Variants in ERBB4 observed in about 807,000 individuals in gnomAD.
ERBB4 encodes erb-b2 receptor tyrosine kinase 4.
ERBB4 carries 42 observed loss-of-function variants against 158.0 expected under a neutral mutation model. The ratio of observed to expected loss-of-function variants is 0.27; its 90% CI spans 0.21 to 0.34. The LOEUF (loss-of-function observed/expected upper bound fraction) is 0.34, where lower values mean the gene tolerates loss of function less well. ERBB4 is among the 10% of genes least tolerant of loss of function. The probability of loss-of-function intolerance (pLI) is 1.00; values close to 1 mark genes in which losing one functional copy is unlikely to be tolerated. For synonymous variants in ERBB4, 583 were observed against 558.7 expected (o/e 1.04, Z -0.61); for missense variants, 1,333 against 1,624.1 (o/e 0.82, Z 3.08).
intron 20 of ERBB4, among the ~76,000 whole-genome samples, chr2:211,545,135 G>T (rs1205762321): frequency 6.6e-6 from 1 of 152,066 alleles, no homozygotes; most frequent in Non-Finnish European, 1.5e-5. Flanking sequence ...GTTGTGACTT[G>T]ATATGCCAAA....
intron 1 of ERBB4, among the ~76,000 whole-genome samples, chr2:212,185,644 A>G (rs2081995165): frequency 6.6e-6 from 1 of 152,064 alleles, no homozygotes; most frequent in East Asian, 1.9e-4. Flanking sequence ...TCCTGGGAAT[A>G]TAGGACCATT....
intron 1 of ERBB4, among the ~76,000 whole-genome samples, chr2:212,296,233 G>A (rs1185768693): frequency 6.6e-6 from 1 of 151,942 alleles, no homozygotes; most frequent in Non-Finnish European, 1.5e-5. Context: ...AAGCATGAGA[G>A]AGGGCCAGAC....
intron 2 of ERBB4, among the ~76,000 whole-genome samples, chr2:212,028,394 G>A (rs2076823250): frequency 6.6e-6 from 1 of 152,096 alleles, no homozygotes; most frequent in Non-Finnish European, 1.5e-5. Flanking sequence ...GCAATGGCTA[G>A]TAACACAAAG....
chr2:211,950,572 C>T (rs839525), intron 2 of ERBB4, among the ~76,000 whole-genome samples: 32,208 of 152,046 alleles, frequency 0.21, 3,757 homozygotes, highest in African/African-American at 0.3. Context: ...TCTTTCCCCC[C>T]AGTCACACAA....
intron 3 of ERBB4, among the ~76,000 whole-genome samples, chr2:211,793,900 A>T (rs2076328010): frequency 6.6e-6 from 1 of 151,852 alleles, no homozygotes; most frequent in African/African-American, 2.4e-5. Context: ...TTTTATACAG[A>T]TGATTTAAGG....
chr2:212,355,750 A>G (rs1022910317), intron 1 of ERBB4, among the ~76,000 whole-genome samples: 2 of 151,916 alleles, frequency 1.3e-5, no homozygotes, highest in Non-Finnish European at 2.9e-5. Context: ...ACTGTGATAG[A>G]TATATATGCA....
chr2:212,206,673 G>A (rs1477244456), intron 1 of ERBB4, among the ~76,000 whole-genome samples: 5 of 147,298 alleles, frequency 3.4e-5, no homozygotes, highest in Non-Finnish European at 7.4e-5. Flanking sequence ...TGCAAGCTCC[G>A]CCTCCCGGGT....
In ERBB4 at chr2:211,618,274, G is replaced by A. The variant is rs1441978528; in HGVS notation, c.2301+903C>T. Among the ~76,000 whole-genome samples, 4 of 151,970 alleles carry A rather than the reference G, an allele frequency of 2.6e-5. No individual in the cohort carries two copies. In the East Asian group the frequency reaches 7.7e-4, roughly 29 times the overall value. The stretch of plus-strand genomic sequence containing the variant: ...AACCATAATAAAATAAAACAGTATG[G>A]TTAATTTTTCAAATTATCAATTTTA... On this transcript the variant is annotated intron_variant, in intron 19 of 27. Transcript: ENST00000342788.
At chr2:212,244,867 C>T (rs1264393884) in intron 1 of ERBB4, among the ~76,000 whole-genome samples, 1 of 152,154 alleles carries the variant, frequency 6.6e-6, no homozygotes, top group Non-Finnish European at 1.5e-5. Context: ...TAATTAAGCA[C>T]TTACCACGTG....
chr2:212,427,895 G>A (rs551687531), intron 1 of ERBB4, among the ~76,000 whole-genome samples: 1 of 152,270 alleles, frequency 6.6e-6, no homozygotes, highest in African/African-American at 2.4e-5. Context: ...GCTAGAGGAA[G>A]AAGAGGGATT....
At chr2:211,500,672 C>CT (rs2065593210) in intron 20 of ERBB4, among the ~76,000 whole-genome samples, 1 of 151,976 alleles carries the variant, frequency 6.6e-6, no homozygotes, top group Non-Finnish European at 1.5e-5. Context: ...AAGAAAAGAT[C>CT]TTTTTTCTTT....
rs377281845 is a variant in ERBB4, at chr2:211,925,260, A to G, written c.421+22170T>C. On this transcript the variant is annotated intron_variant, in intron 3 of 27. Transcript: ENST00000342788. ...AGTTGAGACTTTACCAACAGATAAA[A>G]CCTAGAAAGAATAATTTAGCATTTT... Among the ~76,000 whole-genome samples, 7 of 152,294 alleles carry G rather than the reference A, an allele frequency of 4.6e-5. No homozygotes were observed. In the South Asian group the frequency reaches 1.2e-3, roughly 27 times the overall value.
At chr2:212,231,967 T>A (rs919232026) in intron 1 of ERBB4, among the ~76,000 whole-genome samples, 3 of 152,220 alleles carry the variant, frequency 2.0e-5, no homozygotes, top group African/African-American at 7.2e-5. Context: ...TTTATGACCC[T>A]GAATGATCTT....
At chr2:211,726,972 A>G (rs1322918504) in intron 5 of ERBB4, among the ~76,000 whole-genome samples, 2 of 152,136 alleles carry the variant, frequency 1.3e-5, no homozygotes, top group Non-Finnish European at 2.9e-5. Context: ...TTGCTTCTTC[A>G]CAAGGCATTT....
intron 14 of ERBB4, among the ~76,000 whole-genome samples, chr2:211,667,360 A>G (rs16846695): frequency 0.01 from 1,526 of 152,076 alleles, 27 homozygotes; most frequent in African/African-American, 0.035. Flanking sequence ...GTAATCAGGA[A>G]GAGCTTTCAG....
At chr2:211,626,807 C>A (rs1415171112) in intron 17 of ERBB4, among the ~76,000 whole-genome samples, 3 of 151,858 alleles carry the variant, frequency 2.0e-5, no homozygotes, top group African/African-American at 7.3e-5. Flanking sequence ...CGCCTGTAGT[C>A]CCAACTACTC....
At chr2:211,556,707 G>T (rs1050578147) in intron 20 of ERBB4, among the ~76,000 whole-genome samples, 1 of 151,948 alleles carries the variant, frequency 6.6e-6, no homozygotes, top group African/African-American at 2.4e-5. Flanking sequence ...CAATAAAAAT[G>T]AAATTCAGGA....
chr2:212,002,283 T>C (rs1040094495), intron 2 of ERBB4, among the ~76,000 whole-genome samples: 1 of 152,126 alleles, frequency 6.6e-6, no homozygotes, highest in Non-Finnish European at 1.5e-5. Flanking sequence ...CTAAAACACA[T>C]GCAGAAGAGG....
At chr2:211,513,772 G>T (rs140975557) in intron 20 of ERBB4, among the ~76,000 whole-genome samples, 1 of 152,000 alleles carries the variant, frequency 6.6e-6, no homozygotes, top group Non-Finnish European at 1.5e-5. Flanking sequence ...TACAATACAG[G>T]CTCAGGGCTC....
Sources: gnomAD v4.1 joint callset for allele counts (sites outside exome capture counted in the v4.1 genomes callset) on GRCh38, gnomAD v4.1.1 for gene constraint, MANE v1.5 for transcripts, NCBI Gene and HGNC (gene_info 2026-07-23, HGNC 2026-07-21) for gene names.